The following BRD10 variants were observed in gnomAD, a reference collection of about 807,000 sequenced individuals.
BRD10 encodes uncharacterized bromodomain-containing protein 10.
At chr9:5,977,916 A>T in the BRD10 span, among the ~76,000 whole-genome samples, 1 of 152,206 alleles carries the variant, frequency 6.6e-6, no homozygotes, top group Non-Finnish European at 1.5e-5. Flanking sequence ...ATTCTCATTT[A>T]AAAAATTTAT....
At chr9:5,933,106 G>C in the BRD10 span, among the ~76,000 whole-genome samples, 1 of 152,258 alleles carries the variant, frequency 6.6e-6, no homozygotes, top group East Asian at 1.9e-4. Flanking sequence ...TTTAGTAAAA[G>C]ATCATTTGTG....
chr9:5,924,968 T>A, the BRD10 span: 1 of 681,208 alleles, frequency 1.5e-6, no homozygotes, highest in Non-Finnish European at 2.2e-6. Context: ...AGAAATGCTT[T>A]AATCTTAAGT....
At chr9:5,883,358 A>G in the BRD10 span, among the ~76,000 whole-genome samples, 4 of 152,254 alleles carry the variant, frequency 2.6e-5, no homozygotes, top group South Asian at 4.1e-4. Flanking sequence ...AAAGATGAAC[A>G]TGAACAAAGC....
chr9:5,888,975 T>A, the BRD10 span, among the ~76,000 whole-genome samples: 1 of 152,206 alleles, frequency 6.6e-6, no homozygotes, highest in Admixed American at 6.5e-5. Flanking sequence ...CAGTGGCTGG[T>A]CTGAGAAGAA....
At chr9:5,888,095 G>C in the BRD10 span, among the ~76,000 whole-genome samples, 1 of 152,214 alleles carries the variant, frequency 6.6e-6, no homozygotes, top group East Asian at 1.9e-4. Flanking sequence ...TTATGGGAAA[G>C]GGGACCTTAG....
At chr9:5,903,869 T>G in the BRD10 span, among the ~76,000 whole-genome samples, 3 of 152,134 alleles carry the variant, frequency 2.0e-5, no homozygotes, top group African/African-American at 7.2e-5. Flanking sequence ...CTTACTTTTT[T>G]TTTTTTGAGA....
chr9:5,922,323 C>G, the BRD10 span: 4 of 1,613,844 alleles, frequency 2.5e-6, no homozygotes, highest in Non-Finnish European at 3.4e-6. Flanking sequence ...GTCGGTGAAG[C>G]ACTGGGCAAG....
At chr9:5,914,213 C>G in the BRD10 span, among the ~76,000 whole-genome samples, 1 of 152,252 alleles carries the variant, frequency 6.6e-6, no homozygotes, top group East Asian at 1.9e-4. Context: ...TAAGGGCTTA[C>G]ACATTTGGGT....
chr9:5,955,666 C>CT, the BRD10 span, among the ~76,000 whole-genome samples: 2 of 149,102 alleles, frequency 1.3e-5, no homozygotes, highest in South Asian at 4.1e-4. Context: ...AGGGGTTTAA[C>CT]TGTCTTATTT....
chr9:5,993,961 T>C, the BRD10 span, among the ~76,000 whole-genome samples: 2 of 152,228 alleles, frequency 1.3e-5, no homozygotes, highest in Non-Finnish European at 2.9e-5. Flanking sequence ...ATTTGCATAT[T>C]TGATAGATAA....
chr9:5,968,457 G>T, the BRD10 span: 1 of 1,611,780 alleles, frequency 6.2e-7, no homozygotes, highest in South Asian at 1.1e-5. Context: ...GGACTCCTTG[G>T]TTTCTCTAAA....
At chr9:5,923,165 G>A in the BRD10 span, 1 of 1,613,948 alleles carries the variant, frequency 6.2e-7, no homozygotes, top group Non-Finnish European at 8.5e-7. Flanking sequence ...AAGCTCTTTT[G>A]TGCTGTCATC....
the BRD10 span, among the ~76,000 whole-genome samples, chr9:5,983,962 TACACACACACACACACACAC>T: frequency 7.7e-6 from 1 of 129,638 alleles, no homozygotes; most frequent in Non-Finnish European, 1.6e-5. Context: ...GTATATGCAT[TACACACACACACACACACAC>T]ACACACACAC....
chr9:5,884,880 C>T, the BRD10 span, among the ~76,000 whole-genome samples: 1 of 152,208 alleles, frequency 6.6e-6, no homozygotes, highest in African/African-American at 2.4e-5. Context: ...GCCATGTTCT[C>T]AAGACTTCAG....
At chr9:5,888,147 T>C in the BRD10 span, among the ~76,000 whole-genome samples, 1 of 152,222 alleles carries the variant, frequency 6.6e-6, no homozygotes, top group African/African-American at 2.4e-5. Flanking sequence ...GACTGTCATA[T>C]TCCGGTGGGG....
At chr9:5,991,058 G>A in the BRD10 span, among the ~76,000 whole-genome samples, 1 of 152,064 alleles carries the variant, frequency 6.6e-6, no homozygotes, top group African/African-American at 2.4e-5. Flanking sequence ...ATATGTATAT[G>A]TATTCACTGT....
chr9:5,990,600 A>G, the BRD10 span, among the ~76,000 whole-genome samples: 1 of 152,254 alleles, frequency 6.6e-6, no homozygotes, highest in Non-Finnish European at 1.5e-5. Flanking sequence ...AGAGAAAGTA[A>G]TATCCTTTAT....
At chr9:5,940,695 G>A in the BRD10 span, among the ~76,000 whole-genome samples, 1 of 152,122 alleles carries the variant, frequency 6.6e-6, no homozygotes, top group Non-Finnish European at 1.5e-5. Context: ...ACTTTTGGGG[G>A]TAGGGAGGAC....
the BRD10 span, among the ~76,000 whole-genome samples, chr9:5,994,410 T>C: frequency 6.6e-6 from 1 of 152,176 alleles, no homozygotes. Context: ...CAAAAAGGTT[T>C]TCAGGAAAAG....
Sources: gnomAD v4.1 joint callset for allele counts (sites outside exome capture counted in the v4.1 genomes callset) on GRCh38, gnomAD v4.1.1 for gene constraint, MANE v1.5 for transcripts, NCBI Gene and HGNC (gene_info 2026-07-23, HGNC 2026-07-21) for gene names.